NEXN: variants seen among roughly 807,000 people sequenced by gnomAD.
NEXN encodes the protein nexilin F-actin binding protein, also known as nexilin.
NEXN carries 65 observed loss-of-function variants against 92.6 expected under a neutral mutation model. The observed-to-expected ratio is 0.70, with a 90% CI of 0.57 to 0.86. The LOEUF (loss-of-function observed/expected upper bound fraction) is 0.86, where lower values mean the gene tolerates loss of function less well. Ranked by LOEUF, NEXN falls within the 40% of genes least tolerant of loss-of-function variation. NEXN has a pLI of 0.00. For synonymous variants in NEXN, 254 were observed against 242.5 expected, an observed-to-expected ratio of 1.05 and a Z score of -0.44; for missense variants, 778 against 771.1, an observed-to-expected ratio of 1.01 and a Z score of -0.11.
At chr1:77,930,746 C>T (rs868096568) in intron 9 of NEXN, among the ~76,000 whole-genome samples, 1 of 152,198 alleles carries the variant, frequency 6.6e-6, no homozygotes. Flanking sequence ...CACTCCTTTC[C>T]CTATGCTCTG....
chr1:77,907,751 A>C (rs1648221827), intron 1 of NEXN, among the ~76,000 whole-genome samples: 2 of 152,208 alleles, frequency 1.3e-5, no homozygotes, highest in African/African-American at 2.4e-5. Context: ...GAAGAGGTCT[A>C]GCTGATTCAT....
At chr1:77,940,099 T>C (rs1054256316) in intron 11 of NEXN, among the ~76,000 whole-genome samples, 1 of 152,198 alleles carries the variant, frequency 6.6e-6, no homozygotes, top group South Asian at 2.1e-4. Context: ...AAAATGTTTA[T>C]ATTCTTTCAA....
chr1:77,907,371 A>C (rs1648193455), intron 1 of NEXN, among the ~76,000 whole-genome samples: 1 of 152,242 alleles, frequency 6.6e-6, no homozygotes, highest in Non-Finnish European at 1.5e-5. Flanking sequence ...GTAATTATGA[A>C]GTTTTTTCTC....
chr1:77,935,381 T>A (rs796847932), intron 10 of NEXN, among the ~76,000 whole-genome samples: 12 of 152,338 alleles, frequency 7.9e-5, no homozygotes, highest in African/African-American at 2.9e-4. Context: ...AACAAAGATC[T>A]TCCTACAACT....
In NEXN at chr1:77,933,283, T is replaced by A; in HGVS notation, c.1055T>A (p.Val352Glu). The part of the protein sequence containing the change: ...KAFAEARRNM[V>E]VDDDSPEMYK... ...TGATAAAATAATTATTTTAAATAGG[T>A]AGTAGATGATGACTCCCCAGAGATG... The change falls in exon 10 of 13, where the codon GTA becomes GAA. Residue 352 changes from valine (V) to glutamate (E), a missense_variant and splice_region_variant. Physicochemically the swap from Val to Glu is moderately radical, Grantham distance 121. Transcript: ENST00000334785. 6.5e-7 allele frequency: 1 copy of A among 1,545,998 alleles called. No individual in the cohort carries two copies.
chr1:77,922,140 C>CTT (rs11365279), intron 5 of NEXN, among the ~76,000 whole-genome samples: 3 of 111,924 alleles, frequency 2.7e-5, no homozygotes, highest in East Asian at 2.8e-4. Flanking sequence ...AAAGAGAAGT[C>CTT]TTTTTTTTTT....
intron 11 of NEXN, among the ~76,000 whole-genome samples, chr1:77,939,758 G>C (rs1437275665): frequency 6.6e-6 from 1 of 152,040 alleles, no homozygotes; most frequent in African/African-American, 2.4e-5. Flanking sequence ...CTGGCTTAAA[G>C]ATTATTGAAA....
At chr1:77,907,214 G>C (rs1320560520) in intron 1 of NEXN, among the ~76,000 whole-genome samples, 1 of 152,208 alleles carries the variant, frequency 6.6e-6, no homozygotes, top group Non-Finnish European at 1.5e-5. Flanking sequence ...AGGCCAAACA[G>C]AGTCAAATTC....
At chr1:77,931,105 A>C (rs938633680) in intron 9 of NEXN, among the ~76,000 whole-genome samples, 7 of 152,054 alleles carry the variant, frequency 4.6e-5, no homozygotes, top group Admixed American at 1.3e-4. Context: ...GCGGTAGAAG[A>C]AGCCGGGCGC....
chr1:77,933,208 A>T, intron 9 of NEXN, 74 bp from the exon 10 acceptor site: 1 of 972,906 alleles, frequency 1.0e-6, no homozygotes, highest in South Asian at 1.5e-5. Flanking sequence ...AAGAAATCCC[A>T]GTTTCTTCAA....
At chr1:77,935,491 T>G (rs1650675090) in intron 10 of NEXN, among the ~76,000 whole-genome samples, 1 of 152,250 alleles carries the variant, frequency 6.6e-6, no homozygotes, top group Non-Finnish European at 1.5e-5. Context: ...AATAGCATTT[T>G]AAGTAGAATG....
At chr1:77,927,062 C>A (rs1262943607) in intron 8 of NEXN, among the ~76,000 whole-genome samples, 170 bp downstream of exon 8, 1 of 152,046 alleles carries the variant, frequency 6.6e-6, no homozygotes, top group Non-Finnish European at 1.5e-5. Context: ...GTGGCTCATG[C>A]TGTAATCCCA....
At chr1:77,928,311 A>C (rs1246887386) in intron 8 of NEXN, among the ~76,000 whole-genome samples, 1 of 139,378 alleles carries the variant, frequency 7.2e-6, no homozygotes, top group Non-Finnish European at 1.6e-5. Context: ...ACCCTGTCTC[A>C]AAAAAAAAAA....
chr1:77,924,651 T>G (rs1489704338), intron 5 of NEXN, among the ~76,000 whole-genome samples: 1 of 84,074 alleles, frequency 1.2e-5, no homozygotes, highest in African/African-American at 4.8e-5. Flanking sequence ...TATCTTAATT[T>G]TTTCTGTTTT....
intron 5 of NEXN, chr1:77,924,384 A>G (rs1025052042): frequency 3.3e-5 from 5 of 152,042 alleles, no homozygotes; most frequent in Non-Finnish European, 5.9e-5. Context: ...AAACTAGCCT[A>G]CATCTTTCAC....
In NEXN at chr1:77,917,611, A is replaced by C; in HGVS notation, c.73A>C (p.Lys25Gln). The C allele has an allele frequency of 6.2e-6, 10 of 1,613,580 alleles. No individual in the cohort carries two copies. The highest frequency in any genetic ancestry group is 8.5e-6 in the Non-Finnish European group (10 of 1,179,718). Residue 25 changes from lysine to glutamine, a missense_variant, in exon 3 of 13, where the codon AAA becomes CAA. This residue lies in a region of NEXN where 236 missense variants were observed against 265.6 expected (regional missense o/e 0.89). Transcript: ENST00000334785. ...ACCTGTCCCAAAAACCTATGTACCA[A>C]AACTTGGCAAGGGTGATGTAAAGGA... ...SKPVPKTYVPKLGKGDVKDKF... is the reference protein window; with the variant it reads ...SKPVPKTYVPQLGKGDVKDKF...
Position 77,926,348 on chromosome 1 carries a change from G to A in NEXN, c.490-66G>A, listed in dbSNP as rs139634985. 1.6e-4 allele frequency: 172 copies of A among 1,086,560 alleles called. No individual in the cohort carries two copies. In the East Asian group the frequency reaches 3.9e-3, roughly 25 times the overall value. The allele number at this position is 1,086,560 out of a possible 1,614,324, so 67.3% of individuals were successfully genotyped here. A position where few individuals can be genotyped will look rare whatever the true frequency, so the allele number is the denominator to read the frequency against. ...GTAATGAAATTCACCTATGATGGAG[G>A]TAAAGTCCCATGAAACCCAATTTTG... On this transcript the variant is annotated intron_variant, in intron 6 of 12. Coordinates refer to ENST00000334785, the MANE Select transcript of NEXN (RefSeq NM_144573.4).
intron 1 of NEXN, among the ~76,000 whole-genome samples, chr1:77,894,490 G>GAGTGCAGTGGCGTGATCAGGGTTC (rs1647178199): frequency 6.6e-6 from 1 of 151,934 alleles, no homozygotes; most frequent in Non-Finnish European, 1.5e-5. Flanking sequence ...ACCCAGGCTA[G>GAGTGCAGTGGCGTGATCAGGGTTC]AGTGCAGTGG....
chr1:77,926,918 A>T, intron 8 of NEXN, 26 bp downstream of exon 8: 1 of 1,613,158 alleles, frequency 6.2e-7, no homozygotes, highest in Non-Finnish European at 8.5e-7. Flanking sequence ...TAAACCTTAC[A>T]ATTAATATTA....
Sources: allele counts gnomAD v4.1 joint callset (sites outside exome capture counted in the v4.1 genomes callset), GRCh38; gene constraint gnomAD v4.1.1; regional missense constraint gnomAD v4.1.1; transcripts MANE v1.5; gene names NCBI Gene and HGNC (gene_info 2026-07-23, HGNC 2026-07-21).